The following KIRREL3 variants were observed in gnomAD, a reference collection of about 807,000 sequenced individuals.
KIRREL3 encodes kirre like nephrin family adhesion molecule 3.
A neutral mutation model predicts 89.7 loss-of-function variants in KIRREL3; 36 were observed. The observed-to-expected ratio is 0.40, with a 90% CI of 0.31 to 0.53. The LOEUF (loss-of-function observed/expected upper bound fraction) is 0.53. Among genes scored for constraint, KIRREL3 ranks in the 20% least tolerant of loss-of-function variants. The pLI is 0.49. For missense variants in KIRREL3, 864 were observed against 1,056.6 expected (o/e 0.82, Z 2.53); for synonymous variants, 445 against 441.4 (o/e 1.01, Z -0.10).
At position 126,954,322 on chromosome 11, in the gene KIRREL3, T is replaced by C. The variant is rs1948860023; in HGVS notation, c.55+46133A>G. Among the ~76,000 whole-genome samples the C allele has an allele frequency of 6.6e-6, 1 of 151,920 alleles. No homozygotes were observed. On this transcript the variant is annotated intron_variant, in intron 1 of 16. Coordinates refer to ENST00000525144, the MANE Select transcript of KIRREL3 (RefSeq NM_032531.4). This position sits in a 1 kb window ranked among gnomAD's most constrained non-coding sequence, Gnocchi z 4.1. ...ATTTTATTTTATAGTCACGTTAGAGTTGAGTTCAGACTTATTTTGTGCTAT... is the reference window on the plus strand; with the variant it reads ...ATTTTATTTTATAGTCACGTTAGAGCTGAGTTCAGACTTATTTTGTGCTAT...
chr11:126,670,111 C>T (rs1442731566), intron 1 of KIRREL3, among the ~76,000 whole-genome samples: 1 of 152,144 alleles, frequency 6.6e-6, no homozygotes, highest in Non-Finnish European at 1.5e-5. Flanking sequence ...TGTTCCAGTC[C>T]AAGCCTCCAT....
In KIRREL3 at chr11:126,624,461, G is replaced by T. The variant is rs1943699582; in HGVS notation, c.56-61549C>A. Among the ~76,000 whole-genome samples the T allele has an allele frequency of 2.6e-5, 4 of 152,186 alleles. No individual in the cohort carries two copies. The highest frequency in any genetic ancestry group is 1.3e-4 in the Admixed American group (2 of 15,280). ...ACACAATTATAATTGGAAAGACCAA[G>T]AATTTGTGGTTCATTTCTAGCAGGT... On this transcript the variant is annotated intron_variant, in intron 1 of 16. Coordinates refer to ENST00000525144, the MANE Select transcript of KIRREL3 (RefSeq NM_032531.4). The surrounding 1 kb of genome is among the most constrained non-coding windows in gnomAD (Gnocchi z 6.0).
rs1947098096 is a variant in KIRREL3, at chr11:126,696,412, C to T, written c.56-133500G>A. ...TTCTTATCCTGTAACTTCCAAGTTA[C>T]CCTTAACTCCTGCCTTTGCCCAATC... On this transcript the variant is annotated intron_variant, in intron 1 of 16. Transcript: ENST00000525144. The surrounding 1 kb of genome is among the most constrained non-coding windows in gnomAD (Gnocchi z 4.4). Among the ~76,000 whole-genome samples, 1 of 152,108 alleles carries T rather than the reference C, an allele frequency of 6.6e-6. No homozygotes were observed.
chr11:126,617,562 C>G (rs1053265228), intron 1 of KIRREL3, among the ~76,000 whole-genome samples: 1 of 152,156 alleles, frequency 6.6e-6, no homozygotes, highest in Non-Finnish European at 1.5e-5. Flanking sequence ...ATATTGCCAG[C>G]AAATCAGCCA....
intron 1 of KIRREL3, among the ~76,000 whole-genome samples, chr11:126,846,450 C>T (rs1944145225): frequency 6.6e-6 from 1 of 152,116 alleles, no homozygotes; most frequent in Admixed American, 6.5e-5. Flanking sequence ...TAAAAATTAT[C>T]ATGCCTTTTA....
Position 126,917,890 on chromosome 11 carries a change from G to A in KIRREL3, c.55+82565C>T, listed in dbSNP as rs893543980. 7.2e-5 allele frequency among the ~76,000 whole-genome samples: 11 copies of A among 152,156 alleles called. No individual in the cohort carries two copies. Among genetic ancestry groups the A allele is most frequent in the Admixed American group, 5.9e-4 (9 of 15,282 alleles). On this transcript the variant is annotated intron_variant, in intron 1 of 16. Transcript: ENST00000525144. This position sits in a 1 kb window ranked among gnomAD's most constrained non-coding sequence, Gnocchi z 5.0. ...GTTCCCTCCTCCACCCCAGTTGCAC[G>A]CTTTGGTAATTGTTGAACTCGATTT...
chr11:126,787,186 A>C (rs1950510931), intron 1 of KIRREL3, among the ~76,000 whole-genome samples: 1 of 152,196 alleles, frequency 6.6e-6, no homozygotes, highest in African/African-American at 2.4e-5. Context: ...CAGAATGATG[A>C]AATGATGGAG....
In KIRREL3 at chr11:126,776,841, T is replaced by C. The variant is rs943812190; in HGVS notation, c.56-213929A>G. Among the ~76,000 whole-genome samples, 31 of 152,316 alleles carry C rather than the reference T, an allele frequency of 2.0e-4. No individual in the cohort carries two copies. Among genetic ancestry groups the C allele is most frequent in the Admixed American group, 1.8e-3 (27 of 15,310 alleles). The stretch of plus-strand genomic sequence containing the variant: ...ATGGGGGCTCATACCCAGCCAGCAG[T>C]GTCCCAGCTTTCCTGGCCCTGCCTG... On this transcript the variant is annotated intron_variant, in intron 1 of 16. Coordinates refer to ENST00000525144, the MANE Select transcript of KIRREL3 (RefSeq NM_032531.4). This position sits in a 1 kb window ranked among gnomAD's most constrained non-coding sequence, Gnocchi z 4.7.
In KIRREL3 at chr11:126,889,847, G is replaced by A. The variant is rs1183202917; in HGVS notation, c.55+110608C>T. On this transcript the variant is annotated intron_variant, in intron 1 of 16. Transcript: ENST00000525144. ...AAATTAGCTTTTTTTAAAAATCAAG[G>A]TTTGTGGGAATCACTTCATAAAAAA... is the stretch of plus-strand genomic sequence containing the variant. Among the ~76,000 whole-genome samples, 13 of 152,112 alleles carry A rather than the reference G, an allele frequency of 8.5e-5. 1 individual carries two copies. Among genetic ancestry groups the A allele is most frequent in the Non-Finnish European group, 1.5e-4 (10 of 68,014 alleles).
chr11:126,921,933 C>T (rs3016469), intron 1 of KIRREL3, among the ~76,000 whole-genome samples: 150,784 of 150,830 alleles, frequency 1, 75,369 homozygotes, highest in Middle Eastern at 1. Context: ...TATCCATCCG[C>T]CTTCCTGTCT....
rs1359114686 is a variant in KIRREL3 at position 126,666,077 on chromosome 11, A to C, written c.56-103165T>G. The stretch of plus-strand genomic sequence containing the variant: ...TTGAAGGCGCTCCTCGGAGATTCTG[A>C]TTTGCATCCATGGTTCAGAACCACT... On this transcript the variant is annotated intron_variant, in intron 1 of 16. Transcript: ENST00000525144. This position sits in a 1 kb window ranked among gnomAD's most constrained non-coding sequence, Gnocchi z 4.2. Among the ~76,000 whole-genome samples, 1 of 152,192 alleles carries C rather than the reference A, an allele frequency of 6.6e-6. No individual in the cohort carries two copies. The highest frequency in any genetic ancestry group is 2.4e-5 in the African/African-American group (1 of 41,446).
chr11:126,829,867 G>C (rs1488534644), intron 1 of KIRREL3, among the ~76,000 whole-genome samples: 2 of 152,210 alleles, frequency 1.3e-5, no homozygotes, highest in Non-Finnish European at 2.9e-5. Context: ...CGGGAATGTA[G>C]AGGGAGGTTT....
At chr11:126,691,113 C>T (rs566347514) in intron 1 of KIRREL3, among the ~76,000 whole-genome samples, 8 of 152,176 alleles carry the variant, frequency 5.3e-5, no homozygotes, top group South Asian at 2.1e-4. Context: ...CTCACCCACT[C>T]GGCTGTTAAG....
At chr11:126,851,438 T>C (rs1700219546) in intron 1 of KIRREL3, among the ~76,000 whole-genome samples, 1 of 152,242 alleles carries the variant, frequency 6.6e-6, no homozygotes, top group African/African-American at 2.4e-5. Context: ...TGGTGCTATA[T>C]GTGCAAATAT....
Position 126,948,106 on chromosome 11 carries a change from C to T in KIRREL3, c.55+52349G>A, listed in dbSNP as rs1044712915. Among the ~76,000 whole-genome samples, 3 of 152,182 alleles carry T rather than the reference C, an allele frequency of 2.0e-5. No homozygotes were observed. The highest frequency in any genetic ancestry group is 2.9e-5 in the Non-Finnish European group (2 of 68,034). ...ATACATATTATTGGATGTTAAACTA[C>T]CGTGTAATTGATTTTCTATCCATTG... On this transcript the variant is annotated intron_variant, in intron 1 of 16. Coordinates refer to ENST00000525144, the MANE Select transcript of KIRREL3 (RefSeq NM_032531.4). The surrounding 1 kb of genome is among the most constrained non-coding windows in gnomAD (Gnocchi z 4.5).
At chr11:126,718,120 C>G (rs2134163167) in intron 1 of KIRREL3, among the ~76,000 whole-genome samples, 1 of 152,284 alleles carries the variant, frequency 6.6e-6, no homozygotes, top group South Asian at 2.1e-4. Flanking sequence ...GGAATTTGCG[C>G]TGAGAGGAGG....
intron 1 of KIRREL3, among the ~76,000 whole-genome samples, chr11:126,884,526 G>A (rs550025186): frequency 4.6e-5 from 7 of 152,324 alleles, no homozygotes; most frequent in African/African-American, 1.4e-4. Context: ...AAATAGCTAG[G>A]AGAGGTCTGA....
Position 126,943,184 on chromosome 11 carries a change from G to T in KIRREL3, c.55+57271C>A, listed in dbSNP as rs1468167648. ...TGCTCCACTGGGGCCTTCTCTTTGG[G>T]GTCTCAGGATTGGCTTTTGAGGTGT... On this transcript the variant is annotated intron_variant, in intron 1 of 16. Coordinates refer to ENST00000525144, the MANE Select transcript of KIRREL3 (RefSeq NM_032531.4). The surrounding 1 kb of genome is among the most constrained non-coding windows in gnomAD (Gnocchi z 4.2). Among the ~76,000 whole-genome samples, 1 of 152,142 alleles carries T rather than the reference G, an allele frequency of 6.6e-6. No homozygotes were observed. The highest frequency in any genetic ancestry group is 2.4e-5 in the African/African-American group (1 of 41,418).
intron 1 of KIRREL3, among the ~76,000 whole-genome samples, chr11:126,759,611 G>A (rs772337523): frequency 6.6e-5 from 10 of 152,200 alleles, no homozygotes; most frequent in Non-Finnish European, 1.2e-4. Flanking sequence ...AAGATGGCCT[G>A]CTTCTAAGGA....
Sources: allele counts gnomAD v4.1 joint callset (sites outside exome capture counted in the v4.1 genomes callset), GRCh38; gene constraint gnomAD v4.1.1; non-coding constraint Gnocchi (gnomAD v3.1); transcripts MANE v1.5; gene names NCBI Gene and HGNC (gene_info 2026-07-23, HGNC 2026-07-21).